SDC4: variants seen among roughly 807,000 people sequenced by gnomAD.
The protein encoded by SDC4 is syndecan-4.
A neutral mutation model predicts 20.5 loss-of-function variants in SDC4; 17 were observed. That is an observed-to-expected ratio of 0.83 (90% CI 0.57 to 1.25). SDC4 has a LOEUF of 1.25. SDC4 is among the 50% of genes most tolerant of loss of function. The pLI, the probability that SDC4 is intolerant of heterozygous loss-of-function variation, is 0.00. For synonymous variants in SDC4, 107 were observed against 105.3 expected (o/e 1.02, Z -0.10); for missense variants, 241 against 252.3 (o/e 0.96, Z 0.30).
intron 3 of SDC4, among the ~76,000 whole-genome samples, chr20:45,332,163 T>TAC (rs1491084820): frequency 1.0e-4 from 1 of 9,860 alleles, no homozygotes; most frequent in African/African-American, 2.9e-4. Flanking sequence ...ATATATACTT[T>TAC]TTTTTTTTTT....
At position 45,325,675 on chromosome 20, in the gene SDC4, CTG is replaced by C. The variant is rs1987674499; in HGVS notation, c.*1587_*1588del. ...AAGGGTCGTCCCAGCACAGCTGAGGCTGTGACTCGTTAAGCCAGTTTAGTTCT... is the reference window on the plus strand; with the variant it reads ...AAGGGTCGTCCCAGCACAGCTGAGGCTGACTCGTTAAGCCAGTTTAGTTCT... On this transcript the variant is annotated 3_prime_UTR_variant, in exon 5 of 5. Coordinates refer to ENST00000372733, the MANE Select transcript of SDC4 (RefSeq NM_002999.4). The C allele has an allele frequency of 6.6e-6, 1 of 151,068 alleles. No homozygotes were observed. The highest frequency in any genetic ancestry group is 1.5e-5 in the Non-Finnish European group (1 of 67,838). The allele number at this position is 151,068 out of a possible 1,614,324, so 9.4% of individuals were successfully genotyped here.
intron 1 of SDC4, among the ~76,000 whole-genome samples, chr20:45,344,870 C>T (rs903189742): frequency 2.6e-5 from 4 of 152,252 alleles, no homozygotes; most frequent in Admixed American, 2.0e-4. Context: ...TGCTCAAGGT[C>T]ACCCAGCAAC....
At chr20:45,348,247 C>CCTA in intron 1 of SDC4, 78 bp downstream of exon 1, 1 of 1,177,676 alleles carries the variant, frequency 8.5e-7, no homozygotes, top group Non-Finnish European at 1.2e-6. Context: ...CCCCCCCCAT[C>CCTA]CCACGCTCCG....
chr20:45,348,330 C>A lies in SDC4; in HGVS notation c.55G>T (p.Glu19Ter). ...LLLFFVGGVA[E>*]SIRETEVIDP... ...GGGAACCTCCAAGCACCCACCGACT[C>A]GGCGACTCCGCCTACGAAGAACAGC... is the stretch of plus-strand genomic sequence containing the variant. The change falls in exon 1 of 5, where the codon GAG becomes TAG. Residue 19 changes from glutamate to a stop codon, truncating the protein, a stop_gained. Transcript: ENST00000372733. LOFTEE classifies it high-confidence loss of function. 6.3e-7 allele frequency: 1 copy of A among 1,586,688 alleles called. No homozygotes were observed. Among genetic ancestry groups the A allele is most frequent in the Non-Finnish European group, 8.6e-7 (1 of 1,167,626 alleles).
At chr20:45,345,932 G>A (rs1031148355) in intron 1 of SDC4, 3 of 152,178 alleles carry the variant, frequency 2.0e-5, no homozygotes, top group East Asian at 1.9e-4. Flanking sequence ...ACAGTCGGGG[G>A]AACACCACCC....
chr20:45,327,934 C>T (rs1023447051), intron 4 of SDC4, among the ~76,000 whole-genome samples: 3 of 152,238 alleles, frequency 2.0e-5, no homozygotes, highest in Admixed American at 6.5e-5. Flanking sequence ...CGCACTCGGC[C>T]AAGGCCACTA....
intron 4 of SDC4, among the ~76,000 whole-genome samples, chr20:45,329,400 T>C (rs1987742680): frequency 6.6e-6 from 1 of 152,226 alleles, no homozygotes; most frequent in Non-Finnish European, 1.5e-5. Flanking sequence ...AGCAAAACCT[T>C]ATGCAAATCC....
Position 45,348,341 on chromosome 20 carries a change from C to T in SDC4, c.44G>A (p.Gly15Asp), listed in dbSNP as rs772215096. Reference protein sequence around the residue: ...RLFALLLFFVGGVAESIRETE... With the variant: ...RLFALLLFFVDGVAESIRETE... Reference sequence around the variant, plus strand: ...AGCACCCACCGACTCGGCGACTCCGCCTACGAAGAACAGCAGCAGCGCGAA... The same window carrying T: ...AGCACCCACCGACTCGGCGACTCCGTCTACGAAGAACAGCAGCAGCGCGAA... Residue 15 changes from glycine (G) to aspartate (D), a missense_variant, in exon 1 of 5, where the codon GGC (glycine) becomes GAC (aspartate). Transcript: ENST00000372733. 1 of 1,591,798 alleles carries T rather than the reference C, an allele frequency of 6.3e-7. No homozygotes were observed. Among genetic ancestry groups the T allele is most frequent in the Non-Finnish European group, 8.5e-7 (1 of 1,170,318 alleles).
intron 1 of SDC4, among the ~76,000 whole-genome samples, chr20:45,347,126 A>G (rs961724492): frequency 6.6e-6 from 1 of 152,122 alleles, no homozygotes; most frequent in Non-Finnish European, 1.5e-5. Flanking sequence ...TGCAATCATC[A>G]TGGCATGCCT....
chr20:45,348,241 C>CT, intron 1 of SDC4, 84 bp downstream of exon 1: 2 of 1,204,644 alleles, frequency 1.7e-6, no homozygotes, highest in Non-Finnish European at 2.4e-6. Context: ...ATCTGCCCCC[C>CT]CCCATCCCAC....
At chr20:45,348,225 C>G in intron 1 of SDC4, 100 bp downstream of exon 1, 2 of 1,054,974 alleles carry the variant, frequency 1.9e-6, no homozygotes, top group East Asian at 2.8e-5. Context: ...GGGTAGCGTA[C>G]CCCCGATCTG....
chr20:45,343,970 C>A (rs938784169), intron 1 of SDC4, among the ~76,000 whole-genome samples: 1 of 152,208 alleles, frequency 6.6e-6, no homozygotes, highest in East Asian at 1.9e-4. Flanking sequence ...GGACTTCGCA[C>A]GTCTGGAGTT....
In SDC4 at chr20:45,326,776, G is replaced by A. The variant is rs1441733533; in HGVS notation, c.*488C>T. On this transcript the variant is annotated 3_prime_UTR_variant, in exon 5 of 5. Transcript: ENST00000372733. Reference sequence around the variant, plus strand: ...AGAGATTCCCGTAGTGTGATCACAAGTACCCATTTACAGAAACATCTCAAG... The same window carrying A: ...AGAGATTCCCGTAGTGTGATCACAAATACCCATTTACAGAAACATCTCAAG... 3.9e-5 allele frequency: 6 copies of A among 153,800 alleles called. No homozygotes were observed. The highest frequency in any genetic ancestry group is 1.3e-4 in the Admixed American group (2 of 15,508). The allele number at this position is 153,800 out of a possible 1,614,324, so 9.5% of individuals were successfully genotyped here. A position where few individuals can be genotyped will look rare whatever the true frequency, so the allele number is the denominator to read the frequency against.
In SDC4 at chr20:45,327,176, T is replaced by C; in HGVS notation, c.*88A>G. 4 of 1,421,444 alleles carry C rather than the reference T, an allele frequency of 2.8e-6. No individual in the cohort carries two copies. Among genetic ancestry groups the C allele is most frequent in the Non-Finnish European group, 3.0e-6 (3 of 1,016,684 alleles). 88.1% of individuals were successfully genotyped at this position (1,421,444 alleles called of 1,614,324 possible). On this transcript the variant is annotated 3_prime_UTR_variant, in exon 5 of 5. Transcript: ENST00000372733. ...GAGATACTGACAAGTCAGTATTAGG[T>C]TGACCTCACCCTACCCTAATGTCCA...
At chr20:45,328,220 C>G (rs1015991742) in intron 4 of SDC4, among the ~76,000 whole-genome samples, 1 of 152,186 alleles carries the variant, frequency 6.6e-6, no homozygotes, top group Non-Finnish European at 1.5e-5. Flanking sequence ...TCTTATGTTA[C>G]AATTACATAC....
chr20:45,327,213 C>G lies in SDC4; in HGVS notation c.*51G>C, dbSNP rs376572836. 6.2e-7 allele frequency: 1 copy of G among 1,607,340 alleles called. No homozygotes were observed. ...TACCCTAATGTCCACCCTTCAAAATCCCCTGGCTTCCCTCCCCGCTAAAGT... is the reference window on the plus strand; with the variant it reads ...TACCCTAATGTCCACCCTTCAAAATGCCCTGGCTTCCCTCCCCGCTAAAGT... On this transcript the variant is annotated 3_prime_UTR_variant, in exon 5 of 5. Coordinates refer to ENST00000372733, the MANE Select transcript of SDC4 (RefSeq NM_002999.4).
At position 45,331,270 on chromosome 20, in the gene SDC4, C is replaced by T. The variant is rs372712271; in HGVS notation, c.247-706G>A. Among the ~76,000 whole-genome samples the T allele has an allele frequency of 9.8e-5, 15 of 152,306 alleles. No individual in the cohort carries two copies. In the East Asian group the frequency reaches 1.2e-3, roughly 12 times the overall value. ...ATGGCCCTCACCATACTGGCCCTTTCTGACTGAACCCCTCTCTACCATGGA... is the reference window on the plus strand; with the variant it reads ...ATGGCCCTCACCATACTGGCCCTTTTTGACTGAACCCCTCTCTACCATGGA... On this transcript the variant is annotated intron_variant, in intron 3 of 4. Transcript: ENST00000372733.
At chr20:45,342,663 T>TG (rs1343675297) in intron 1 of SDC4, among the ~76,000 whole-genome samples, 1 of 126,792 alleles carries the variant, frequency 7.9e-6, no homozygotes, top group Non-Finnish European at 1.7e-5. Context: ...AGGTGGGGGT[T>TG]GGGGGAAGCA....
In SDC4 at chr20:45,343,832, C is replaced by G. The variant is rs566219958; in HGVS notation, c.60+4493G>C. 2.0e-5 allele frequency among the ~76,000 whole-genome samples: 3 copies of G among 152,310 alleles called. No individual in the cohort carries two copies. The East Asian group carries it at 5.8e-4, about 29-fold the overall frequency. ...TCCCTACCAGGCATGGTACTAGGTG[C>G]CTTTATTTACAGCCCTGTCGTCTCC... On this transcript the variant is annotated intron_variant, in intron 1 of 4. Coordinates refer to ENST00000372733, the MANE Select transcript of SDC4 (RefSeq NM_002999.4).
Sources: allele counts gnomAD v4.1 joint callset (sites outside exome capture counted in the v4.1 genomes callset), GRCh38; gene constraint gnomAD v4.1.1; transcripts MANE v1.5; gene names NCBI Gene and HGNC (gene_info 2026-07-23, HGNC 2026-07-21).